The following RGS20 variants were observed in gnomAD, a reference collection of about 807,000 sequenced individuals.
RGS20 encodes gz-selective GTPase-activating protein.
In RGS20, 30 loss-of-function variants were observed where a neutral mutation model predicts 33.6. That is an observed-to-expected ratio of 0.89 (90% CI 0.67 to 1.21). The LOEUF is 1.21. Ranked by LOEUF, RGS20 falls within the 50% of genes most tolerant of loss-of-function variation. The pLI, the probability that RGS20 is intolerant of heterozygous loss-of-function variation, is 0.00. For missense variants in RGS20, 472 were observed against 502.4 expected (o/e 0.94, Z 0.58); for synonymous variants, 208 against 197.9 (o/e 1.05, Z -0.43).
chr8:53,890,399 C>A (rs1446406222), intron 2 of RGS20, among the ~76,000 whole-genome samples: 1 of 152,156 alleles, frequency 6.6e-6, no homozygotes, highest in Non-Finnish European at 1.5e-5. Context: ...CCAATGAGAT[C>A]ATCTGTGTGC....
At chr8:53,866,185 A>T (rs1167814150) in intron 1 of RGS20, among the ~76,000 whole-genome samples, 2 of 152,106 alleles carry the variant, frequency 1.3e-5, no homozygotes, top group African/African-American at 2.4e-5. Context: ...TGAACAAGGA[A>T]ATTTTAGGAA....
At chr8:53,903,439 C>T (rs940792542) in intron 2 of RGS20, among the ~76,000 whole-genome samples, 1 of 152,148 alleles carries the variant, frequency 6.6e-6, no homozygotes, top group African/African-American at 2.4e-5. Context: ...TAATTTTGAT[C>T]CTAATCTGGC....
At chr8:53,894,295 TCTA>T (rs1448795819) in intron 2 of RGS20, among the ~76,000 whole-genome samples, 1 of 152,194 alleles carries the variant, frequency 6.6e-6, no homozygotes, top group Non-Finnish European at 1.5e-5. Flanking sequence ...GTTCAACATA[TCTA>T]CTATTTGACA....
rs933903778 is a variant in RGS20 at position 53,877,451 on chromosome 8, C to G, written c.166-1807C>G. ...CTTGGCGGCAGCTGAGCCTCCACCC[C>G]AAGCCCCAGCCGGAGGGGCGCGTCC... On this transcript the variant is annotated intron_variant, in intron 1 of 5. Transcript: ENST00000297313. This position sits in a 1 kb window ranked among gnomAD's most constrained non-coding sequence, Gnocchi z 5.7. 6.6e-6 allele frequency among the ~76,000 whole-genome samples: 1 copy of G among 152,206 alleles called. No homozygotes were observed. The highest frequency in any genetic ancestry group is 2.1e-4 in the South Asian group (1 of 4,836).
chr8:53,881,873 G>A (rs1812394777), intron 2 of RGS20, among the ~76,000 whole-genome samples: 1 of 152,178 alleles, frequency 6.6e-6, no homozygotes, highest in East Asian at 1.9e-4. Context: ...CTGGGCGCCC[G>A]GACTGCGGAG....
At chr8:53,949,820 G>T (rs990835983) in intron 4 of RGS20, among the ~76,000 whole-genome samples, 2 of 151,082 alleles carry the variant, frequency 1.3e-5, no homozygotes, top group South Asian at 4.2e-4. Flanking sequence ...TAACCTCTAA[G>T]AGAGTAAACA....
At chr8:53,867,951 C>T (rs1191220515) in intron 1 of RGS20, among the ~76,000 whole-genome samples, 9 of 152,096 alleles carry the variant, frequency 5.9e-5, no homozygotes, top group African/African-American at 2.2e-4. Context: ...TCTCAAATGC[C>T]TCTGCTCAAA....
intron 2 of RGS20, among the ~76,000 whole-genome samples, chr8:53,897,180 C>A (rs1338417016): frequency 6.6e-6 from 1 of 152,206 alleles, no homozygotes; most frequent in Non-Finnish European, 1.5e-5. Flanking sequence ...TTGACACATT[C>A]CATAACCCAT....
intron 4 of RGS20, among the ~76,000 whole-genome samples, chr8:53,947,976 TAA>T (rs1435877209): frequency 7.3e-5 from 10 of 136,324 alleles, no homozygotes; most frequent in South Asian, 4.6e-4. Context: ...ATGCTATATA[TAA>T]GATAGTATAT....
chr8:53,889,425 T>C (rs1283658031), intron 2 of RGS20, among the ~76,000 whole-genome samples: 3,657 of 95,992 alleles, frequency 0.038, 669 homozygotes, highest in African/African-American at 0.19. Context: ...TTTTTTTTTT[T>C]TTTTTTTTTT....
intron 2 of RGS20, among the ~76,000 whole-genome samples, chr8:53,883,493 G>T (rs1812456351): frequency 6.6e-6 from 1 of 152,130 alleles, no homozygotes; most frequent in Admixed American, 6.5e-5. Flanking sequence ...TCACGTATTA[G>T]TAACGCATAT....
chr8:53,880,658 C>T (rs919011709), intron 2 of RGS20, among the ~76,000 whole-genome samples: 2 of 152,104 alleles, frequency 1.3e-5, no homozygotes, highest in Admixed American at 6.5e-5. Flanking sequence ...TTCGCGGACG[C>T]CCTCTACGCG....
At chr8:53,944,322 A>G (rs11985435) in intron 3 of RGS20, among the ~76,000 whole-genome samples, 59,015 of 151,982 alleles carry the variant, frequency 0.39, 11,605 homozygotes, top group South Asian at 0.48. Context: ...GGCAGATCAC[A>G]AGGTCAGCAA....
chr8:53,865,394 A>G (rs1357597477), intron 1 of RGS20, among the ~76,000 whole-genome samples: 2 of 152,216 alleles, frequency 1.3e-5, no homozygotes, highest in Non-Finnish European at 1.5e-5. Flanking sequence ...GATGAGATGC[A>G]TTGTTTAGAA....
At position 53,877,348 on chromosome 8, in the gene RGS20, G is replaced by A. The variant is rs1812230567; in HGVS notation, c.166-1910G>A. On this transcript the variant is annotated intron_variant, in intron 1 of 5. Coordinates refer to ENST00000297313, the MANE Select transcript of RGS20 (RefSeq NM_170587.4). This position sits in a 1 kb window ranked among gnomAD's most constrained non-coding sequence, Gnocchi z 5.7. ...CGCCGAGGGCCCTCGCTCCGGAGTGGGGCGCAGACGCGGCCGCCGGCCCGC... is the reference window on the plus strand; with the variant it reads ...CGCCGAGGGCCCTCGCTCCGGAGTGAGGCGCAGACGCGGCCGCCGGCCCGC... 6.6e-6 allele frequency among the ~76,000 whole-genome samples: 1 copy of A among 152,238 alleles called. No individual in the cohort carries two copies. The highest frequency in any genetic ancestry group is 2.1e-4 in the South Asian group (1 of 4,830).
chr8:53,855,026 A>C (rs1438407923), intron 1 of RGS20, among the ~76,000 whole-genome samples: 1 of 152,220 alleles, frequency 6.6e-6, no homozygotes. Flanking sequence ...AATTCCAAAA[A>C]GTCACACACT....
chr8:53,872,896 A>T (rs1812111856), intron 1 of RGS20, among the ~76,000 whole-genome samples: 1 of 152,076 alleles, frequency 6.6e-6, no homozygotes, highest in Non-Finnish European at 1.5e-5. Flanking sequence ...TAGGCATACA[A>T]TTCAATGGCA....
chr8:53,917,512 T>C (rs13278745), intron 2 of RGS20, among the ~76,000 whole-genome samples: 43,610 of 152,116 alleles, frequency 0.29, 6,438 homozygotes, highest in African/African-American at 0.35. Context: ...ATTAAACTCC[T>C]GTTAAATGTA....
intron 1 of RGS20, among the ~76,000 whole-genome samples, chr8:53,853,408 C>T (rs1811608170): frequency 6.6e-6 from 1 of 152,132 alleles, no homozygotes; most frequent in Non-Finnish European, 1.5e-5. Context: ...TGGAATCGAC[C>T]ACACATGCTG....
Sources: allele counts gnomAD v4.1 joint callset (sites outside exome capture counted in the v4.1 genomes callset), GRCh38; gene constraint gnomAD v4.1.1; non-coding constraint Gnocchi (gnomAD v3.1); transcripts MANE v1.5; gene names NCBI Gene and HGNC (gene_info 2026-07-23, HGNC 2026-07-21).